Variants in KCNAB1 observed in about 807,000 individuals in gnomAD.
KCNAB1 encodes the protein potassium voltage-gated channel subfamily A regulatory beta subunit 1.
In KCNAB1, 35 loss-of-function variants were observed where a neutral mutation model predicts 64.6. That is an observed-to-expected ratio of 0.54 (90% CI 0.41 to 0.72). KCNAB1 has a LOEUF of 0.72. Ranked by LOEUF, KCNAB1 falls within the 30% of genes least tolerant of loss-of-function variation. KCNAB1 has a pLI of 0.00. For synonymous variants in KCNAB1, 177 were observed against 183.8 expected, an observed-to-expected ratio of 0.96 and a Z score of 0.30; for missense variants, 401 against 512.9, an observed-to-expected ratio of 0.78 and a Z score of 2.11.
chr3:156,471,061 T>G (rs1159253560), intron 7 of KCNAB1, among the ~76,000 whole-genome samples: 1 of 152,164 alleles, frequency 6.6e-6, no homozygotes, highest in Non-Finnish European at 1.5e-5. Flanking sequence ...TTAAGGCAAC[T>G]TTTTTTGCAA....
At chr3:156,450,103 C>A (rs898740009) in intron 2 of KCNAB1, among the ~76,000 whole-genome samples, 2 of 152,198 alleles carry the variant, frequency 1.3e-5, no homozygotes, top group Non-Finnish European at 2.9e-5. Flanking sequence ...TGGCTTCTCC[C>A]ATTTTAGCTT....
chr3:156,424,790 A>T (rs182489952), intron 2 of KCNAB1, among the ~76,000 whole-genome samples: 1 of 152,188 alleles, frequency 6.6e-6, no homozygotes, highest in South Asian at 2.1e-4. Context: ...CAGACTGTGT[A>T]TGAGGTGCAG....
At chr3:156,520,031 A>G (rs1210986110) in intron 11 of KCNAB1, among the ~76,000 whole-genome samples, 1 of 152,190 alleles carries the variant, frequency 6.6e-6, no homozygotes, top group African/African-American at 2.4e-5. Flanking sequence ...AACCCCAACA[A>G]AAAAACACTT....
intron 1 of KCNAB1, among the ~76,000 whole-genome samples, chr3:156,223,918 C>T (rs1246025870): frequency 6.6e-6 from 1 of 152,246 alleles, no homozygotes; most frequent in Non-Finnish European, 1.5e-5. Flanking sequence ...CCGCACTCCT[C>T]AGCCCTTGGG....
intron 1 of KCNAB1, among the ~76,000 whole-genome samples, chr3:156,266,170 GC>G (rs1382557754): frequency 6.6e-6 from 1 of 151,770 alleles, no homozygotes; most frequent in Non-Finnish European, 1.5e-5. Flanking sequence ...CATTGTTCCA[GC>G]CCCTTCCTCA....
intron 1 of KCNAB1, among the ~76,000 whole-genome samples, chr3:156,343,978 A>G (rs1247904025): frequency 6.6e-6 from 1 of 152,148 alleles, no homozygotes; most frequent in Non-Finnish European, 1.5e-5. Context: ...TTTCCTATTC[A>G]GTAATTTGCT....
intron 1 of KCNAB1, among the ~76,000 whole-genome samples, chr3:156,221,576 G>A (rs888280048): frequency 2.6e-5 from 4 of 152,070 alleles, no homozygotes; most frequent in Non-Finnish European, 5.9e-5. Flanking sequence ...TCAGGAGTTT[G>A]AGACCAGCCT....
At chr3:156,257,112 G>T (rs1436599333) in intron 1 of KCNAB1, among the ~76,000 whole-genome samples, 1 of 152,146 alleles carries the variant, frequency 6.6e-6, no homozygotes, top group Non-Finnish European at 1.5e-5. Flanking sequence ...AATAGTCTTT[G>T]TGTTAAACTT....
intron 1 of KCNAB1, among the ~76,000 whole-genome samples, chr3:156,219,164 A>G (rs780312219): frequency 1.3e-5 from 2 of 152,134 alleles, no homozygotes; most frequent in Non-Finnish European, 2.9e-5. Flanking sequence ...CTAACCAAGG[A>G]GGCATCAGAC....
chr3:156,525,670 C>G (rs1042190647), intron 12 of KCNAB1, among the ~76,000 whole-genome samples: 1 of 152,128 alleles, frequency 6.6e-6, no homozygotes, highest in Non-Finnish European at 1.5e-5. Context: ...TGTGCACCAC[C>G]AAGCCTGGCT....
intron 1 of KCNAB1, among the ~76,000 whole-genome samples, chr3:156,414,881 T>C (rs1442540236): frequency 1.3e-5 from 2 of 152,184 alleles, no homozygotes; most frequent in East Asian, 1.9e-4. Context: ...GTTATATCCA[T>C]ACAACTTTAT....
chr3:156,535,837 C>G (rs1719018060), intron 13 of KCNAB1, among the ~76,000 whole-genome samples: 1 of 152,158 alleles, frequency 6.6e-6, no homozygotes, highest in South Asian at 2.1e-4. Context: ...GCTCATCCTT[C>G]AAACTACCTC....
At chr3:156,509,682 AG>A (rs956709841) in intron 8 of KCNAB1, among the ~76,000 whole-genome samples, 3 of 152,194 alleles carry the variant, frequency 2.0e-5, no homozygotes, top group African/African-American at 7.2e-5. Context: ...CCAGACCAGG[AG>A]AGTCACATTC....
rs968775916 is a variant in KCNAB1, at chr3:156,382,125, G to A, written c.276-39491G>A. On this transcript the variant is annotated intron_variant, in intron 1 of 13. Coordinates refer to ENST00000490337, the MANE Select transcript of KCNAB1 (RefSeq NM_172160.3). ...TCCAAAATCTTGGGGAAATTTAAAA[G>A]CTATATTCATTTCCAGGTCCCATCC... The A allele has an allele frequency of 2.6e-5, 4 of 152,208 alleles. 1 individual carries two copies. The South Asian group carries it at 8.3e-4, about 32-fold the overall frequency. The allele number at this position is 152,208 out of a possible 1,614,324, so 9.4% of individuals were successfully genotyped here. A position where few individuals can be genotyped will look rare whatever the true frequency, so the allele number is the denominator to read the frequency against.
intron 1 of KCNAB1, among the ~76,000 whole-genome samples, chr3:156,252,700 T>A (rs534843044): frequency 6.6e-6 from 1 of 152,298 alleles, no homozygotes; most frequent in East Asian, 1.9e-4. Flanking sequence ...GGAAGCTGAG[T>A]GCCCAAGATG....
intron 1 of KCNAB1, among the ~76,000 whole-genome samples, chr3:156,319,192 G>A (rs1350374024): frequency 6.6e-6 from 1 of 152,154 alleles, no homozygotes; most frequent in African/African-American, 2.4e-5. Flanking sequence ...AGTCAGCCTG[G>A]CAGTGAAATA....
chr3:156,314,512 C>T (rs1722145779), intron 1 of KCNAB1, among the ~76,000 whole-genome samples: 1 of 152,238 alleles, frequency 6.6e-6, no homozygotes, highest in African/African-American at 2.4e-5. Context: ...TGCATTACTG[C>T]CTCCATAAGC....
At chr3:156,390,788 T>C (rs1243182286) in intron 1 of KCNAB1, among the ~76,000 whole-genome samples, 1 of 152,054 alleles carries the variant, frequency 6.6e-6, no homozygotes, top group African/African-American at 2.4e-5. Context: ...AGTTTCACCG[T>C]GTTAGCCAGG....
At chr3:156,208,000 T>C (rs189658383) in intron 1 of KCNAB1, among the ~76,000 whole-genome samples, 1 of 152,286 alleles carries the variant, frequency 6.6e-6, no homozygotes, top group East Asian at 1.9e-4. Flanking sequence ...TCTGAAATAA[T>C]ACAGACCAAG....
Sources: gnomAD v4.1 joint callset for allele counts (sites outside exome capture counted in the v4.1 genomes callset) on GRCh38, gnomAD v4.1.1 for gene constraint, MANE v1.5 for transcripts, NCBI Gene and HGNC (gene_info 2026-07-23, HGNC 2026-07-21) for gene names.